Variants in CACNA2D3 observed in about 807,000 individuals in gnomAD.
CACNA2D3 encodes the protein calcium voltage-gated channel auxiliary subunit alpha2delta 3, also known as voltage-dependent calcium channel subunit alpha-2/delta-3.
Under a neutral mutation model 160.6 loss-of-function variants are expected in CACNA2D3, and 60 were observed. The observed-to-expected ratio is 0.37, with a 90% CI of 0.30 to 0.46. The LOEUF (loss-of-function observed/expected upper bound fraction) is 0.46, where lower values mean the gene tolerates loss of function less well. CACNA2D3 is among the 20% of genes least tolerant of loss of function. The pLI is 1.00. For missense variants in CACNA2D3, 1,205 were observed against 1,365.0 expected (o/e 0.88, Z 1.85); for synonymous variants, 558 against 492.9 (o/e 1.13, Z -1.75).
chr3:55,032,522 C>G (rs1412572563), intron 35 of CACNA2D3, among the ~76,000 whole-genome samples: 8 of 152,114 alleles, frequency 5.3e-5, no homozygotes, highest in Admixed American at 3.9e-4. Flanking sequence ...TCTTCCTCCC[C>G]CATTAAACCA....
intron 5 of CACNA2D3, among the ~76,000 whole-genome samples, chr3:54,524,520 G>A (rs1701694846): frequency 6.6e-6 from 1 of 151,894 alleles, no homozygotes. Flanking sequence ...TAGTGTTTTG[G>A]AATCCTTTAT....
At position 54,596,050 on chromosome 3, in the gene CACNA2D3, G is replaced by A. The variant is rs146248499; in HGVS notation, c.963+14173G>A. ...AAGCAATTAGGTGGGGAGGGCGGGGGAAGAAGTATCCAGAGACAGCTTTCT... is the reference window on the plus strand; with the variant it reads ...AAGCAATTAGGTGGGGAGGGCGGGGAAAGAAGTATCCAGAGACAGCTTTCT... On this transcript the variant is annotated intron_variant, in intron 9 of 37. Transcript: ENST00000474759. Among the ~76,000 whole-genome samples the A allele has an allele frequency of 4.9e-3, 742 of 152,190 alleles. 3 individuals are homozygous for A. The highest frequency in any genetic ancestry group is 7.5e-3 in the Non-Finnish European group (513 of 67,984).
At chr3:54,881,696 G>A (rs1335529283) in intron 21 of CACNA2D3, among the ~76,000 whole-genome samples, 1 of 152,150 alleles carries the variant, frequency 6.6e-6, no homozygotes, top group Non-Finnish European at 1.5e-5. Context: ...GGAGGAGTGG[G>A]CCCAGAACAG....
chr3:54,770,250 A>G (rs1702295444), intron 13 of CACNA2D3, among the ~76,000 whole-genome samples: 1 of 152,212 alleles, frequency 6.6e-6, no homozygotes, highest in East Asian at 1.9e-4. Context: ...TACAAAATAT[A>G]GTAATTCTCA....
At chr3:54,938,670 G>T (rs1701387873) in intron 27 of CACNA2D3, among the ~76,000 whole-genome samples, 1 of 145,642 alleles carries the variant, frequency 6.9e-6, no homozygotes, top group Non-Finnish European at 1.5e-5. Context: ...TCTTCTCCTT[G>T]TCCTGTGACC....
At chr3:54,957,324 CTT>C (rs1701924148) in intron 27 of CACNA2D3, among the ~76,000 whole-genome samples, 1 of 151,890 alleles carries the variant, frequency 6.6e-6, no homozygotes, top group Non-Finnish European at 1.5e-5. Flanking sequence ...TTTTTTAAAA[CTT>C]TTTATAGAGA....
chr3:54,656,989 C>G (rs570845896), intron 11 of CACNA2D3, among the ~76,000 whole-genome samples: 1 of 150,472 alleles, frequency 6.6e-6, no homozygotes, highest in African/African-American at 2.5e-5. Flanking sequence ...GGGCTGAGTC[C>G]GAAAAGAGTC....
intron 11 of CACNA2D3, among the ~76,000 whole-genome samples, chr3:54,698,900 A>G (rs554060520): frequency 3.3e-5 from 5 of 152,268 alleles, no homozygotes; most frequent in South Asian, 4.1e-4. Context: ...CGTATGGGAG[A>G]GCGAGCAAAA....
intron 13 of CACNA2D3, among the ~76,000 whole-genome samples, chr3:54,816,026 CAAATATGTCTCGT>C (rs1197801877): frequency 7.9e-5 from 12 of 152,130 alleles, no homozygotes; most frequent in Non-Finnish European, 1.8e-4. Context: ...GAAATATAGA[CAAATATGTCTCGT>C]AAATGTTGAT....
Position 54,813,280 on chromosome 3 carries a change from C to T in CACNA2D3, c.1381-3573C>T, listed in dbSNP as rs527316199. ...AAATGAGGAAATAGACCCAGCAAGG[C>T]AGAGCCTGGTTGGCAATGCCTGACA... On this transcript the variant is annotated intron_variant, in intron 13 of 37. Transcript: ENST00000474759. Among the ~76,000 whole-genome samples the T allele has an allele frequency of 3.9e-5, 6 of 152,298 alleles. No homozygotes were observed. The South Asian group carries it at 1.2e-3, about 32-fold the overall frequency.
At chr3:54,719,687 T>C (rs1250302250) in intron 11 of CACNA2D3, among the ~76,000 whole-genome samples, 1 of 152,036 alleles carries the variant, frequency 6.6e-6, no homozygotes, top group Non-Finnish European at 1.5e-5. Context: ...TTTCTTCTTT[T>C]TATACTCTCT....
intron 11 of CACNA2D3, 29 bp downstream of exon 11, chr3:54,642,270 G>A (rs746476529): frequency 1.2e-5 from 17 of 1,367,368 alleles, no homozygotes; most frequent in Non-Finnish European, 1.6e-5. Flanking sequence ...CGTCTGTGCG[G>A]TGGACTCCTT....
chr3:54,854,675 G>A (rs1699127798), intron 17 of CACNA2D3, among the ~76,000 whole-genome samples: 1 of 152,142 alleles, frequency 6.6e-6, no homozygotes, highest in African/African-American at 2.4e-5. Flanking sequence ...GCCTGGGTCA[G>A]TTCTCATTGC....
rs9830052 is a variant in CACNA2D3, at chr3:54,154,381, G to T, written c.204+30787G>T. ...CAAATGAGAACCAAGGTTCATGGAGGTTAATTAATGGGCCCAAGGTCAAGT... is the reference window on the plus strand; with the variant it reads ...CAAATGAGAACCAAGGTTCATGGAGTTTAATTAATGGGCCCAAGGTCAAGT... On this transcript the variant is annotated intron_variant, in intron 2 of 37. Transcript: ENST00000474759. Among the ~76,000 whole-genome samples, 302 of 152,222 alleles carry T rather than the reference G, an allele frequency of 2.0e-3. 1 individual carries two copies. Among genetic ancestry groups the T allele is most frequent in the African/African-American group, 6.8e-3 (284 of 41,534 alleles).
Position 54,257,897 on chromosome 3 carries a change from G to A in CACNA2D3, c.205-62545G>A, listed in dbSNP as rs139804418. 3.0e-3 allele frequency among the ~76,000 whole-genome samples: 458 copies of A among 152,326 alleles called. 12 individuals are homozygous for A. The highest frequency in any genetic ancestry group is 0.028 in the Admixed American group (426 of 15,302). On this transcript the variant is annotated intron_variant, in intron 2 of 37. Coordinates refer to ENST00000474759, the MANE Select transcript of CACNA2D3 (RefSeq NM_018398.3). ...TCAAGAAGGACAATCGAAGAAATTA[G>A]AAAATGGGGATAGTCCAATAGTCCC...
intron 13 of CACNA2D3, among the ~76,000 whole-genome samples, chr3:54,806,308 T>C (rs576880510): frequency 3.4e-4 from 51 of 152,108 alleles, no homozygotes; most frequent in African/African-American, 9.1e-4. Context: ...AAAACCCCAT[T>C]GTCTCAGCCC....
At chr3:54,471,489 G>T (rs1417891700) in intron 4 of CACNA2D3, among the ~76,000 whole-genome samples, 1 of 152,088 alleles carries the variant, frequency 6.6e-6, no homozygotes, top group South Asian at 2.1e-4. Flanking sequence ...ACAATAAAAA[G>T]AACTAGAGAA....
At chr3:54,487,688 T>C (rs568991606) in intron 4 of CACNA2D3, among the ~76,000 whole-genome samples, 20 of 152,302 alleles carry the variant, frequency 1.3e-4, no homozygotes, top group African/African-American at 4.6e-4. Context: ...TTAAACGCTT[T>C]AGATATTGAA....
At chr3:55,021,691 A>ATGTGTGTATATATATATG (rs1224036207) in intron 35 of CACNA2D3, among the ~76,000 whole-genome samples, 1 of 131,490 alleles carries the variant, frequency 7.6e-6, no homozygotes, top group Non-Finnish European at 1.6e-5. Context: ...ATATATATAT[A>ATGTGTGTATATATATATG]TGTGTGTATA....
Sources: gnomAD v4.1 joint callset for allele counts (sites outside exome capture counted in the v4.1 genomes callset) on GRCh38, gnomAD v4.1.1 for gene constraint, MANE v1.5 for transcripts, NCBI Gene and HGNC (gene_info 2026-07-23, HGNC 2026-07-21) for gene names.